Variants in NUP210 observed in about 807,000 individuals in gnomAD.
The protein encoded by NUP210 is nuclear pore membrane glycoprotein 210.
A neutral mutation model predicts 196.0 loss-of-function variants in NUP210; 151 were observed. The observed-to-expected ratio is 0.77, with a 90% CI of 0.67 to 0.88. The LOEUF is 0.88. NUP210 is among the 40% of genes least tolerant of loss of function. NUP210 has a pLI of 0.00. For synonymous variants in NUP210, 1,070 were observed against 1,052.7 expected (o/e 1.02, Z -0.32); for missense variants, 2,314 against 2,493.7 (o/e 0.93, Z 1.53).
chr3:13,403,287 T>C (rs1483966900), intron 1 of NUP210, among the ~76,000 whole-genome samples: 1 of 152,198 alleles, frequency 6.6e-6, no homozygotes, highest in Non-Finnish European at 1.5e-5. Flanking sequence ...CAAGATCAGC[T>C]GGCATACTAG....
chr3:13,352,207 T>C (rs1159180566), intron 18 of NUP210, 23 bp from the exon 19 acceptor site: 5 of 1,567,546 alleles, frequency 3.2e-6, no homozygotes, highest in Non-Finnish European at 4.4e-6. Context: ...GGCAAGGCCA[T>C]TAGATCCAGG....
intron 28 of NUP210, among the ~76,000 whole-genome samples, chr3:13,333,325 G>T (rs1323262858): frequency 6.6e-6 from 1 of 152,224 alleles, no homozygotes; most frequent in Non-Finnish European, 1.5e-5. Flanking sequence ...CGGCCTCCCA[G>T]CCTGGCTCAG....
At chr3:13,374,567 G>A (rs1426631609) in intron 11 of NUP210, among the ~76,000 whole-genome samples, 2 of 152,102 alleles carry the variant, frequency 1.3e-5, no homozygotes, top group East Asian at 1.9e-4. Context: ...CCTCGAGACC[G>A]ATGCACACAA....
rs377514628 is a variant in NUP210 at position 13,381,908 on chromosome 3, C to G, written c.818-2187G>C. Among the ~76,000 whole-genome samples the G allele has an allele frequency of 6.6e-5, 10 of 152,156 alleles. No individual in the cohort carries two copies. In the South Asian group the frequency reaches 1.5e-3, roughly 22 times the overall value. On this transcript the variant is annotated intron_variant, in intron 6 of 39. Transcript: ENST00000254508. ...TCCAGGGATGACCATGGAGCTCCTGCGGAGCTGGGTCTGAGTCAAGGATGA... is the reference window on the plus strand; with the variant it reads ...TCCAGGGATGACCATGGAGCTCCTGGGGAGCTGGGTCTGAGTCAAGGATGA...
chr3:13,369,128 T>C (rs902917062), intron 13 of NUP210, among the ~76,000 whole-genome samples: 5 of 152,232 alleles, frequency 3.3e-5, no homozygotes, highest in African/African-American at 1.2e-4. Context: ...GCAGCCATCC[T>C]AAGGAGTGTA....
chr3:13,322,785 C>G (rs7638867), intron 34 of NUP210, among the ~76,000 whole-genome samples: 5,337 of 152,314 alleles, frequency 0.035, 301 homozygotes, highest in African/African-American at 0.12. Context: ...CATGATGGAA[C>G]AGAGCTGCCT....
chr3:13,320,154 C>A (rs1459875300), intron 36 of NUP210, among the ~76,000 whole-genome samples, 175 bp from the exon 37 acceptor site: 1 of 152,154 alleles, frequency 6.6e-6, no homozygotes, highest in Non-Finnish European at 1.5e-5. Flanking sequence ...CAGGTGGGGA[C>A]CCCTGCCCAG....
chr3:13,393,640 G>A (rs991153074), intron 3 of NUP210, among the ~76,000 whole-genome samples: 12 of 152,228 alleles, frequency 7.9e-5, no homozygotes, highest in African/African-American at 2.7e-4. Flanking sequence ...TGGGCCCTGG[G>A]GATGTCAAGG....
In NUP210 at chr3:13,390,137, C is replaced by A. The variant is rs113684096; in HGVS notation, c.533+1074G>T. 1.3e-3 allele frequency among the ~76,000 whole-genome samples: 193 copies of A among 152,254 alleles called. 1 individual carries two copies. Among genetic ancestry groups the A allele is most frequent in the African/African-American group, 4.3e-3 (177 of 41,536 alleles). ...TCTGAAGACGGCCGGCAACAGTGTT[C>A]GTTTCCTAGTGCCATGACTGCATGG... On this transcript the variant is annotated intron_variant, in intron 4 of 39. Transcript: ENST00000254508.
At chr3:13,373,915 A>G (rs1217477153) in intron 11 of NUP210, 42 bp from the exon 12 acceptor site, 1 of 1,604,448 alleles carries the variant, frequency 6.2e-7, no homozygotes, top group Admixed American at 1.7e-5. Flanking sequence ...ACCCACCCTT[A>G]GCCTGCTGGG....
chr3:13,361,545 G>T (rs188015684), intron 14 of NUP210, among the ~76,000 whole-genome samples: 1 of 152,252 alleles, frequency 6.6e-6, no homozygotes, highest in Non-Finnish European at 1.5e-5. Flanking sequence ...GTGCGGAGAG[G>T]AGGGATTCAC....
rs939003289 is a variant in NUP210, at chr3:13,336,630, C to T, written c.3684+157G>A. On this transcript the variant is annotated intron_variant, in intron 27 of 39. Transcript: ENST00000254508. ...TTTAGCATTTGGGAGAAGGGAGTCC[C>T]GATGAGCCTCGGGAGAGGGAAGAAA... is the stretch of plus-strand genomic sequence containing the variant. Among the ~76,000 whole-genome samples the T allele has an allele frequency of 3.9e-5, 6 of 152,088 alleles. No individual in the cohort carries two copies. The South Asian group carries it at 6.2e-4, about 16-fold the overall frequency.
chr3:13,327,852 C>A (rs1696832781), intron 31 of NUP210, among the ~76,000 whole-genome samples: 1 of 152,250 alleles, frequency 6.6e-6, no homozygotes, highest in African/African-American at 2.4e-5. Flanking sequence ...CTTTCCTCCT[C>A]TGAAAAATGG....
intron 30 of NUP210, among the ~76,000 whole-genome samples, 198 bp from the exon 31 acceptor site, chr3:13,329,144 C>T (rs1186836658): frequency 1.3e-5 from 2 of 152,202 alleles, no homozygotes; most frequent in African/African-American, 4.8e-5. Context: ...GTTCTTACTT[C>T]CCAACACAGC....
chr3:13,414,593 C>G (rs1576432882), intron 1 of NUP210, among the ~76,000 whole-genome samples: 1 of 152,190 alleles, frequency 6.6e-6, no homozygotes, highest in East Asian at 1.9e-4. Context: ...GCCAACCTCT[C>G]CACCCTCCCT....
At chr3:13,352,047 T>G (rs1697994714) in intron 19 of NUP210, 33 bp downstream of exon 19, 1 of 1,609,276 alleles carries the variant, frequency 6.2e-7, no homozygotes, top group Non-Finnish European at 8.5e-7. Context: ...CCCGTGGGTC[T>G]TGCCCAGGAA....
chr3:13,397,310 G>A (rs765248413), intron 3 of NUP210, 47 bp downstream of exon 3: 42 of 1,582,544 alleles, frequency 2.7e-5, no homozygotes, highest in Non-Finnish European at 2.5e-5. Context: ...GTGGGGGGAT[G>A]ATCTAGCATG....
intron 13 of NUP210, among the ~76,000 whole-genome samples, chr3:13,368,373 A>C (rs184720467): frequency 6.6e-6 from 1 of 152,362 alleles, no homozygotes; most frequent in Admixed American, 6.5e-5. Context: ...CACCGTGCCC[A>C]GCCTAAAATT....
At position 13,364,677 on chromosome 3, in the gene NUP210, A is replaced by C. The variant is rs561508375; in HGVS notation, c.1932+1269T>G. Among the ~76,000 whole-genome samples the C allele has an allele frequency of 2.0e-5, 3 of 152,036 alleles. No homozygotes were observed. The East Asian group carries it at 5.8e-4, about 29-fold the overall frequency. ...AACCCTGTCTCTACTAAAAATACAA[A>C]ATTAGCCGGGGATGGTGGTGCATGC... On this transcript the variant is annotated intron_variant, in intron 14 of 39. Transcript: ENST00000254508.
Sources: allele counts gnomAD v4.1 joint callset (sites outside exome capture counted in the v4.1 genomes callset), GRCh38; gene constraint gnomAD v4.1.1; transcripts MANE v1.5; gene names NCBI Gene and HGNC (gene_info 2026-07-23, HGNC 2026-07-21).